DHTKD1: variants seen among roughly 807,000 people sequenced by gnomAD.
DHTKD1 encodes the protein 2-oxoadipate dehydrogenase complex component E1.
A neutral mutation model predicts 101.8 loss-of-function variants in DHTKD1; 78 were observed. The observed-to-expected ratio is 0.77, with a 90% CI of 0.64 to 0.93. The LOEUF (loss-of-function observed/expected upper bound fraction) is 0.93, where lower values mean the gene tolerates loss of function less well. DHTKD1 is among the 40% of genes least tolerant of loss of function. DHTKD1 has a pLI of 0.00. For missense variants in DHTKD1, 1,223 were observed against 1,161.7 expected, an observed-to-expected ratio of 1.05 and a Z score of -0.77; for synonymous variants, 462 against 450.3, an observed-to-expected ratio of 1.03 and a Z score of -0.33.
At position 12,081,566 on chromosome 10, in the gene DHTKD1, G is replaced by A. The variant is rs754213936; in HGVS notation, c.249G>A (p.Leu83=). The A allele has an allele frequency of 6.2e-7, 1 of 1,614,192 alleles. No individual in the cohort carries two copies. Among genetic ancestry groups the A allele is most frequent in the South Asian group, 1.1e-5 (1 of 91,088 alleles). The change falls in exon 2 of 17, where the codon CTG becomes CTA. Residue 83 remains leucine, a synonymous_variant. Coordinates refer to ENST00000263035, the MANE Select transcript of DHTKD1 (RefSeq NM_018706.7). The part of the protein sequence containing the change: ...INPLFTGQAL[L]ENVPEIQALV... ...CCCTCTTCACCGGACAAGCCCTGCTGGAGAATGTGCCTGAAATCCAAGCCC... is the reference window on the plus strand; with the variant it reads ...CCCTCTTCACCGGACAAGCCCTGCTAGAGAATGTGCCTGAAATCCAAGCCC...
intron 14 of DHTKD1, among the ~76,000 whole-genome samples, 163 bp downstream of exon 14, chr10:12,117,918 C>G (rs1833446708): frequency 6.6e-6 from 1 of 151,592 alleles, no homozygotes; most frequent in African/African-American, 2.4e-5. Flanking sequence ...GAGACTGAGT[C>G]TGGCTCTATT....
At chr10:12,072,345 C>G (rs1315766838) in intron 1 of DHTKD1, among the ~76,000 whole-genome samples, 2 of 152,046 alleles carry the variant, frequency 1.3e-5, no homozygotes, top group Admixed American at 6.6e-5. Flanking sequence ...GCCTATAATA[C>G]CGGTTACTCG....
rs550553908 is a variant in DHTKD1, at chr10:12,107,279, C to T, written c.2048-630C>T. Reference sequence around the variant, plus strand: ...GGGATTACGGGTGTGAGCCACTGTGCCCGGCCGGGAGCTGCCCATTCTTGT... The same window carrying T: ...GGGATTACGGGTGTGAGCCACTGTGTCCGGCCGGGAGCTGCCCATTCTTGT... On this transcript the variant is annotated intron_variant, in intron 11 of 16. Transcript: ENST00000263035. This position sits in a 1 kb window ranked among gnomAD's most constrained non-coding sequence, Gnocchi z 4.1. Among the ~76,000 whole-genome samples the T allele has an allele frequency of 4.6e-5, 7 of 151,698 alleles. No homozygotes were observed. Among genetic ancestry groups the T allele is most frequent in the Non-Finnish European group, 1.0e-4 (7 of 67,888 alleles).
At chr10:12,090,467 CCTTCCTTCCTT>C (rs1358539358) in intron 5 of DHTKD1, among the ~76,000 whole-genome samples, 2 of 93,010 alleles carry the variant, frequency 2.2e-5, no homozygotes, top group Non-Finnish European at 2.5e-5. Flanking sequence ...TTCCTTCCTT[CCTTCCTTCCTT>C]CTTCTTTCTC....
In DHTKD1 at chr10:12,118,758, C is replaced by A. The variant is rs765729432; in HGVS notation, c.2412C>A (p.Thr804=). ...CTTTTCTGTCCAACAGGGTTAAGAC[C>A]CTCGTGTTCTGCTCCGGCAAACATT... ...DSSVDPKKVK[T]LVFCSGKHFY... is the part of the protein sequence containing the mutation. The change falls in exon 15 of 17, where the codon ACC becomes ACA. Residue 804 remains threonine, a synonymous_variant. Coordinates refer to ENST00000263035, the MANE Select transcript of DHTKD1 (RefSeq NM_018706.7). The A allele has an allele frequency of 1.9e-6, 3 of 1,568,972 alleles. No individual in the cohort carries two copies. Among genetic ancestry groups the A allele is most frequent in the Non-Finnish European group, 2.6e-6 (3 of 1,159,928 alleles).
intron 5 of DHTKD1, among the ~76,000 whole-genome samples, chr10:12,090,429 TTCC>T (rs1201157060): frequency 3.1e-4 from 26 of 84,802 alleles, no homozygotes; most frequent in East Asian, 8.7e-4. Context: ...TCCTTCCTTT[TTCC>T]TTCCTTCCTT....
rs1321407895 is a variant in DHTKD1 at position 12,123,006 on chromosome 10, C to A, written c.*2118C>A. The A allele has an allele frequency of 2.0e-5, 3 of 152,154 alleles. No individual in the cohort carries two copies. Among genetic ancestry groups the A allele is most frequent in the Admixed American group, 6.6e-5 (1 of 15,258 alleles). 9.4% of individuals were successfully genotyped at this position (152,154 alleles called of 1,614,324 possible). On this transcript the variant is annotated 3_prime_UTR_variant, in exon 17 of 17. Transcript: ENST00000263035. ...TTTATGATTCACATCCGAAAGTGTGCCTTAGTTATCAATTTAACATTTCTC... is the reference window on the plus strand; with the variant it reads ...TTTATGATTCACATCCGAAAGTGTGACTTAGTTATCAATTTAACATTTCTC...
intron 1 of DHTKD1, among the ~76,000 whole-genome samples, chr10:12,078,353 A>C (rs111896043): frequency 6.6e-6 from 1 of 152,090 alleles, no homozygotes; most frequent in African/African-American, 2.4e-5. Flanking sequence ...TGAACCTGGG[A>C]AACAGAGGTT....
intron 1 of DHTKD1, 95 bp downstream of exon 1, chr10:12,069,282 C>T: frequency 5.3e-6 from 4 of 748,128 alleles, no homozygotes; most frequent in Non-Finnish European, 7.3e-6. Context: ...GGGGAACCGG[C>T]TGCCGGCCTG....
At chr10:12,102,226 C>T (rs554100878) in intron 10 of DHTKD1, among the ~76,000 whole-genome samples, 8 of 151,942 alleles carry the variant, frequency 5.3e-5, no homozygotes, top group African/African-American at 1.9e-4. Context: ...GAGATCAAGA[C>T]CATCCTGGCC....
Position 12,120,420 on chromosome 10 carries a change from G to T in DHTKD1, c.2658+153G>T, listed in dbSNP as rs1009713336. 1.5e-5 allele frequency: 9 copies of T among 610,964 alleles called. No homozygotes were observed. The East Asian group carries it at 2.8e-4, about 19-fold the overall frequency. 37.8% of individuals were successfully genotyped at this position (610,964 alleles called of 1,614,324 possible). On this transcript the variant is annotated intron_variant, in intron 16 of 16. Coordinates refer to ENST00000263035, the MANE Select transcript of DHTKD1 (RefSeq NM_018706.7). ...GCAATCTCAGCTCACTGCAAGCTCCGCCCCCCGGGTTCACGCCATTCTCCT... is the reference window on the plus strand; with the variant it reads ...GCAATCTCAGCTCACTGCAAGCTCCTCCCCCCGGGTTCACGCCATTCTCCT...
intron 12 of DHTKD1, among the ~76,000 whole-genome samples, chr10:12,109,391 A>G (rs547896462): frequency 6.6e-6 from 1 of 151,668 alleles, no homozygotes; most frequent in African/African-American, 2.4e-5. Flanking sequence ...TGACATGTGA[A>G]ATGCAAAACT....
Position 12,081,682 on chromosome 10 carries a change from C to T in DHTKD1, c.310+55C>T, listed in dbSNP as rs1588604269. 2.1e-5 allele frequency: 33 copies of T among 1,602,034 alleles called. No homozygotes were observed. The East Asian group carries it at 2.2e-4, about 11-fold the overall frequency. ...CGGAGCTGCACACCAGGCCAGGCTCCTGCCTCTGTTCTTGAAGAAGCAGCA... is the reference window on the plus strand; with the variant it reads ...CGGAGCTGCACACCAGGCCAGGCTCTTGCCTCTGTTCTTGAAGAAGCAGCA... On this transcript the variant is annotated intron_variant, in intron 2 of 16. Coordinates refer to ENST00000263035, the MANE Select transcript of DHTKD1 (RefSeq NM_018706.7).
intron 1 of DHTKD1, among the ~76,000 whole-genome samples, chr10:12,079,995 C>G (rs926353560): frequency 3.3e-5 from 5 of 152,044 alleles, no homozygotes; most frequent in Non-Finnish European, 5.9e-5. Context: ...AAGAGGTGTG[C>G]TTTGGCTGGG....
chr10:12,082,334 C>G (rs1588604569), intron 2 of DHTKD1, among the ~76,000 whole-genome samples: 1 of 152,086 alleles, frequency 6.6e-6, no homozygotes, highest in Non-Finnish European at 1.5e-5. Context: ...CTGATACCCG[C>G]CTCATTCTGT....
In DHTKD1 at chr10:12,097,970, A is replaced by G. The variant is rs1051083685; in HGVS notation, c.1645A>G (p.Ser549Gly). The G allele has an allele frequency of 6.2e-7, 1 of 1,612,120 alleles. No individual in the cohort carries two copies. Among genetic ancestry groups the G allele is most frequent in the African/African-American group, 1.3e-5 (1 of 74,920 alleles). ...GGTGCCAAGAGAGCTGCAGATGCAC[A>G]GTCACCTGCTGAAGACACATGTTCA... is the stretch of plus-strand genomic sequence containing the variant. ...VEVPRELQMH[S>G]HLLKTHVQSR... The change falls in exon 8 of 17, where the codon AGT becomes GGT. Residue 549 changes from serine (S) to glycine (G), a missense_variant. Transcript: ENST00000263035.
At chr10:12,093,890 A>C (rs768943532) in intron 6 of DHTKD1, among the ~76,000 whole-genome samples, 183 bp from the exon 7 acceptor site, 3 of 152,214 alleles carry the variant, frequency 2.0e-5, no homozygotes, top group Non-Finnish European at 2.9e-5. Context: ...AGCTTTACCG[A>C]GGTCACACAA....
intron 1 of DHTKD1, among the ~76,000 whole-genome samples, chr10:12,080,579 C>T (rs190536987): frequency 1.3e-3 from 204 of 151,540 alleles, no homozygotes; most frequent in African/African-American, 4.2e-3. Context: ...GGCGTGGTGG[C>T]GGGAACCTGT....
intron 11 of DHTKD1, 73 bp downstream of exon 11, chr10:12,106,469 T>A: frequency 6.3e-7 from 1 of 1,576,612 alleles, no homozygotes; most frequent in Non-Finnish European, 8.7e-7. Flanking sequence ...GACAAATGAA[T>A]GAAAAGGGGC....
Sources: allele counts gnomAD v4.1 joint callset (sites outside exome capture counted in the v4.1 genomes callset), GRCh38; gene constraint gnomAD v4.1.1; non-coding constraint Gnocchi (gnomAD v3.1); transcripts MANE v1.5; gene names NCBI Gene and HGNC (gene_info 2026-07-23, HGNC 2026-07-21).